ANKRD11: variants seen among roughly 807,000 people sequenced by gnomAD.
The protein encoded by ANKRD11 is ankyrin repeat domain-containing protein 11.
Under a neutral mutation model 195.7 loss-of-function variants are expected in ANKRD11, and 17 were observed. The ratio of observed to expected loss-of-function variants is 0.09; its 90% CI spans 0.06 to 0.13. The LOEUF (loss-of-function observed/expected upper bound fraction) is 0.13. Among genes scored for constraint, ANKRD11 ranks in the 10% least tolerant of loss-of-function variants. The pLI, the probability that ANKRD11 is intolerant of heterozygous loss-of-function variation, is 1.00. For synonymous variants in ANKRD11, 1,953 were observed against 1,528.1 expected, an observed-to-expected ratio of 1.28 and a Z score of -6.49; for missense variants, 3,735 against 3,566.1, an observed-to-expected ratio of 1.05 and a Z score of -1.21.
intron 1 of ANKRD11, among the ~76,000 whole-genome samples, chr16:89,462,080 C>CTT (rs2056695754): frequency 8.8e-6 from 1 of 113,986 alleles, no homozygotes; most frequent in African/African-American, 3.0e-5. Context: ...CTCTCCCTCT[C>CTT]CCCATGGTCT....
intron 4 of ANKRD11, among the ~76,000 whole-genome samples, chr16:89,295,700 C>T (rs534268761): frequency 3.3e-5 from 5 of 151,064 alleles, no homozygotes; most frequent in East Asian, 2.0e-4. Flanking sequence ...CCGAGGCAAA[C>T]GGCGGTGGCA....
chr16:89,315,835 T>C (rs1597602246), intron 3 of ANKRD11, among the ~76,000 whole-genome samples: 1 of 152,172 alleles, frequency 6.6e-6, no homozygotes, highest in Admixed American at 6.5e-5. Context: ...TTGCTGGTTA[T>C]GTTCGCGTGT....
At position 89,285,904 on chromosome 16, in the gene ANKRD11, G is replaced by A. The variant is rs994203666; in HGVS notation, c.892+135C>T. On this transcript the variant is annotated intron_variant, in intron 8 of 12. Transcript: ENST00000301030. This position sits in a 1 kb window ranked among gnomAD's most constrained non-coding sequence, Gnocchi z 5.6. Reference sequence around the variant, plus strand: ...GTGACACACCTGGGCGGGGTCTCCCGCAGTCCAGAAGCTCCTGTAAGCCCC... The same window carrying A: ...GTGACACACCTGGGCGGGGTCTCCCACAGTCCAGAAGCTCCTGTAAGCCCC... 2.1e-5 allele frequency: 29 copies of A among 1,411,946 alleles called. No individual in the cohort carries two copies. The highest frequency in any genetic ancestry group is 3.6e-5 in the Admixed American group (2 of 55,264). 87.5% of individuals were successfully genotyped at this position (1,411,946 alleles called of 1,614,324 possible). A position where few individuals can be genotyped will look rare whatever the true frequency, so the allele number is the denominator to read the frequency against.
At chr16:89,325,465 TCTCTCACA>T (rs1158464831) in intron 2 of ANKRD11, among the ~76,000 whole-genome samples, 24 of 139,440 alleles carry the variant, frequency 1.7e-4, no homozygotes, top group African/African-American at 6.8e-4. Context: ...TCTCTCTCTC[TCTCTCACA>T]CACACACACA....
chr16:89,314,993 G>A (rs1401059503), intron 3 of ANKRD11, among the ~76,000 whole-genome samples: 2 of 152,188 alleles, frequency 1.3e-5, no homozygotes, highest in African/African-American at 2.4e-5. Flanking sequence ...CCCAGGTGCA[G>A]AAGCCAAGCA....
chr16:89,363,187 G>A (rs2039805042), intron 2 of ANKRD11, among the ~76,000 whole-genome samples: 1 of 152,096 alleles, frequency 6.6e-6, no homozygotes, highest in Non-Finnish European at 1.5e-5. Context: ...AATATACGAT[G>A]TTTCCAGATA....
intron 2 of ANKRD11, among the ~76,000 whole-genome samples, chr16:89,349,980 C>G (rs1408960613): frequency 6.6e-6 from 1 of 151,592 alleles, no homozygotes; most frequent in South Asian, 2.1e-4. Flanking sequence ...CAAAAATCAG[C>G]AGACAACCCG....
chr16:89,284,747 T>C lies in ANKRD11; in HGVS notation c.1795A>G (p.Arg599Gly), dbSNP rs1376646430. The change falls in exon 9 of 13, where the codon AGG becomes GGG. Residue 599 changes from arginine (R) to glycine (G), a missense_variant. By Grantham distance (125) the Arg-to-Gly change is moderately radical. Coordinates refer to ENST00000301030, the MANE Select transcript of ANKRD11 (RefSeq NM_013275.6). The stretch of plus-strand genomic sequence containing the variant: ...TTCTCCGACAGGGAGGCTCGCTTCC[T>C]GTGCTCCTGCCTCTTCCTCACTGGC... ...LKPVRKRQEH[R>G]KRASLSEKKS... 2.5e-6 allele frequency: 4 copies of C among 1,613,492 alleles called. No individual in the cohort carries two copies. The highest frequency in any genetic ancestry group is 2.7e-5 in the African/African-American group (2 of 74,942).
intron 2 of ANKRD11, among the ~76,000 whole-genome samples, chr16:89,385,106 G>A (rs887943540): frequency 2.0e-5 from 3 of 151,868 alleles, no homozygotes; most frequent in Admixed American, 6.6e-5. Flanking sequence ...GGCTGGTCTT[G>A]AACTCTTGAC....
At chr16:89,473,620 C>T (rs112201412) in intron 1 of ANKRD11, among the ~76,000 whole-genome samples, 4,313 of 152,308 alleles carry the variant, frequency 0.028, 100 homozygotes, top group Middle Eastern at 0.058. Flanking sequence ...AGAGAAGAGA[C>T]GCACCGCTCT....
chr16:89,442,032 C>G (rs552960678), intron 1 of ANKRD11, among the ~76,000 whole-genome samples: 6 of 152,280 alleles, frequency 3.9e-5, no homozygotes, highest in Admixed American at 1.3e-4. Context: ...TTAGCTGTGA[C>G]TAAGATCCAA....
rs2035064521 is a variant in ANKRD11, at chr16:89,291,530, C to T, written c.227-347G>A. Reference sequence around the variant, plus strand: ...CGGTGGGACAGCTTAGCACCGGTGACCTGGCTCACACAGGACAGGTCTCTG... The same window carrying T: ...CGGTGGGACAGCTTAGCACCGGTGATCTGGCTCACACAGGACAGGTCTCTG... On this transcript the variant is annotated intron_variant, in intron 4 of 12. Coordinates refer to ENST00000301030, the MANE Select transcript of ANKRD11 (RefSeq NM_013275.6). This position sits in a 1 kb window ranked among gnomAD's most constrained non-coding sequence, Gnocchi z 5.3. The T allele has an allele frequency of 6.1e-6, 4 of 652,074 alleles. No individual in the cohort carries two copies. The highest frequency in any genetic ancestry group is 1.5e-5 in the South Asian group (1 of 65,822). The allele number at this position is 652,074 out of a possible 1,614,324, so 40.4% of individuals were successfully genotyped here.
In ANKRD11 at chr16:89,279,096, C is replaced by A; in HGVS notation, c.7446G>T (p.Pro2482=). 1 of 1,613,968 alleles carries A rather than the reference C, an allele frequency of 6.2e-7. No homozygotes were observed. Among genetic ancestry groups the A allele is most frequent in the Non-Finnish European group, 8.5e-7 (1 of 1,179,934 alleles). The change falls in exon 9 of 13, where the codon CCG becomes CCT. Residue 2482 remains proline, a synonymous_variant. Transcript: ENST00000301030. The surrounding 1 kb of genome is among the most constrained non-coding windows in gnomAD (Gnocchi z 5.6). ...YTGSYLLDGK[P]LSKLHIPVIA... ...CCACGGGGATGTGGAGCTTGCTGAG[C>A]GGCTTGCCGTCCAGGAGGTAGGAGC...
intron 3 of ANKRD11, among the ~76,000 whole-genome samples, chr16:89,311,342 G>A (rs1414710312): frequency 1.3e-5 from 2 of 152,156 alleles, no homozygotes; most frequent in Non-Finnish European, 2.9e-5. Context: ...CCATTGGTCT[G>A]TAGTTTTCTT....
At position 89,279,813 on chromosome 16, in the gene ANKRD11, G is replaced by A. The variant is rs758276955; in HGVS notation, c.6729C>T (p.Pro2243=). Residue 2243 remains proline, a synonymous_variant, in exon 9 of 13, where the codon CCC becomes CCT. Transcript: ENST00000301030. The surrounding 1 kb of genome is among the most constrained non-coding windows in gnomAD (Gnocchi z 5.6). ...GDPDSSVEPA[P]VPPEQRPLGS... Reference sequence around the variant, plus strand: ...CCAGTGGGCGCTGTTCTGGGGGAACGGGCGCGGGCTCCACGCTGGAGTCCG... The same window carrying A: ...CCAGTGGGCGCTGTTCTGGGGGAACAGGCGCGGGCTCCACGCTGGAGTCCG... The A allele has an allele frequency of 1.2e-5, 19 of 1,542,450 alleles. No homozygotes were observed. The highest frequency in any genetic ancestry group is 1.6e-5 in the Non-Finnish European group (18 of 1,147,276).
chr16:89,275,051 G>C, intron 10 of ANKRD11, 42 bp downstream of exon 10: 1 of 1,612,568 alleles, frequency 6.2e-7, no homozygotes, highest in Non-Finnish European at 8.5e-7. Flanking sequence ...GCCGTGAAAA[G>C]CCCTGGCCGT....
At chr16:89,443,794 CATTA>C (rs1380539020) in intron 1 of ANKRD11, among the ~76,000 whole-genome samples, 1 of 152,186 alleles carries the variant, frequency 6.6e-6, no homozygotes, top group Admixed American at 6.5e-5. Flanking sequence ...GACCAAGATG[CATTA>C]AGAAACAGAT....
chr16:89,293,383 CAG>C (rs2035191064), intron 4 of ANKRD11, among the ~76,000 whole-genome samples: 1 of 151,060 alleles, frequency 6.6e-6, no homozygotes, highest in East Asian at 1.9e-4. Context: ...GGGGTGGACA[CAG>C]GGAGGAGCTG....
intron 2 of ANKRD11, among the ~76,000 whole-genome samples, chr16:89,385,674 C>T (rs984479090): frequency 3.9e-5 from 6 of 152,366 alleles, no homozygotes; most frequent in South Asian, 2.1e-4. Flanking sequence ...TTCAAAACTA[C>T]GAATTCACTT....
Sources: allele counts gnomAD v4.1 joint callset (sites outside exome capture counted in the v4.1 genomes callset), GRCh38; gene constraint gnomAD v4.1.1; non-coding constraint Gnocchi (gnomAD v3.1); transcripts MANE v1.5; gene names NCBI Gene and HGNC (gene_info 2026-07-23, HGNC 2026-07-21).